C3orf49: variants seen among roughly 807,000 people sequenced by gnomAD.
C3orf49 encodes chromosome 3 open reading frame 49.
A neutral mutation model predicts 13.3 loss-of-function variants in C3orf49; 27 were observed. The observed-to-expected ratio is 2.02, with a 90% CI of 1.49 to 2.79. The LOEUF is 2.79. C3orf49 is among the 30% of genes most tolerant of loss of function. C3orf49 has a pLI of 0.00. For synonymous variants in C3orf49, 87 were observed against 47.6 expected (o/e 1.83, Z -3.40); for missense variants, 242 against 134.2 (o/e 1.80, Z -3.97).
intron 2 of C3orf49, among the ~76,000 whole-genome samples, chr3:63,826,171 T>C (rs77672238): frequency 2.0e-5 from 3 of 152,184 alleles, no homozygotes; most frequent in Non-Finnish European, 4.4e-5. Context: ...TTAACTTTCT[T>C]CTAAGGGTGA....
At chr3:63,847,594 G>T (rs576544255) in intron 6 of C3orf49, among the ~76,000 whole-genome samples, 14 of 152,238 alleles carry the variant, frequency 9.2e-5, no homozygotes, top group Non-Finnish European at 1.8e-4. Context: ...AAAATTAGCC[G>T]GGTGTGGGGT....
the C3orf49 span, among the ~76,000 whole-genome samples, chr3:63,810,121 G>C: frequency 6.6e-6 from 1 of 151,912 alleles, no homozygotes; most frequent in Non-Finnish European, 1.5e-5. Flanking sequence ...AATCCAACCT[G>C]GGCGACAGAG....
intron 5 of C3orf49, chr3:63,838,482 C>T (rs775727626): frequency 1.2e-6 from 2 of 1,606,538 alleles, no homozygotes; most frequent in South Asian, 1.1e-5. Flanking sequence ...GCTCAGCATA[C>T]GTTGGTACTG....
chr3:63,842,295 C>T (rs1320092178), intron 5 of C3orf49, among the ~76,000 whole-genome samples: 1 of 152,028 alleles, frequency 6.6e-6, no homozygotes, highest in African/African-American at 2.4e-5. Flanking sequence ...AGGCTATTAT[C>T]AAAAAGACAA....
the C3orf49 span, among the ~76,000 whole-genome samples, chr3:63,795,604 TC>T: frequency 6.6e-6 from 1 of 152,114 alleles, no homozygotes; most frequent in Non-Finnish European, 1.5e-5. Flanking sequence ...ATCGTCCTCT[TC>T]CTTCTAACCG....
the C3orf49 span, among the ~76,000 whole-genome samples, chr3:63,788,619 G>A: frequency 6.6e-6 from 1 of 151,944 alleles, no homozygotes; most frequent in African/African-American, 2.4e-5. Flanking sequence ...CCAACAGAGA[G>A]GGGTAAACCA....
the C3orf49 span, among the ~76,000 whole-genome samples, chr3:63,788,757 A>G: frequency 6.6e-6 from 1 of 152,068 alleles, no homozygotes; most frequent in Admixed American, 6.5e-5. Context: ...AAACTGAGGT[A>G]CAGAAAGGTT....
the C3orf49 span, among the ~76,000 whole-genome samples, chr3:63,788,107 T>C: frequency 6.6e-6 from 1 of 152,208 alleles, no homozygotes; most frequent in East Asian, 1.9e-4. Flanking sequence ...TCTTCTGGGT[T>C]CTTAGCATCA....
At chr3:63,800,224 G>C in the C3orf49 span, among the ~76,000 whole-genome samples, 1 of 152,074 alleles carries the variant, frequency 6.6e-6, no homozygotes, top group Non-Finnish European at 1.5e-5. Flanking sequence ...CTGTCCCAAA[G>C]CATAAATTAC....
upstream of C3orf49, among the ~76,000 whole-genome samples, chr3:63,816,773 T>C (rs1215163308): frequency 7.3e-5 from 10 of 136,236 alleles, no homozygotes; most frequent in African/African-American, 2.2e-4. Flanking sequence ...TCTTTTCTTT[T>C]TTTTTTTTTT....
the C3orf49 span, among the ~76,000 whole-genome samples, chr3:63,780,271 G>C: frequency 6.6e-6 from 1 of 152,130 alleles, no homozygotes; most frequent in African/African-American, 2.4e-5. Flanking sequence ...ATAGTTTGCT[G>C]AGAATGATGG....
the C3orf49 span, among the ~76,000 whole-genome samples, chr3:63,790,992 A>G: frequency 6.6e-6 from 1 of 152,194 alleles, no homozygotes; most frequent in African/African-American, 2.4e-5. Context: ...TCCCCACACA[A>G]GGAAAAGAGA....
chr3:63,817,269 A>T (rs2107087850), upstream of C3orf49, among the ~76,000 whole-genome samples: 1 of 152,176 alleles, frequency 6.6e-6, no homozygotes, highest in East Asian at 1.9e-4. Context: ...CAGTCACTCT[A>T]TCCCATCATC....
At chr3:63,838,653 TTC>T (rs1304922695) in intron 5 of C3orf49, among the ~76,000 whole-genome samples, 1 of 152,254 alleles carries the variant, frequency 6.6e-6, no homozygotes, top group Non-Finnish European at 1.5e-5. Flanking sequence ...CCCTTAAGTT[TTC>T]TTTTTATCAA....
At chr3:63,788,505 G>A in the C3orf49 span, among the ~76,000 whole-genome samples, 1 of 152,066 alleles carries the variant, frequency 6.6e-6, no homozygotes, top group South Asian at 2.1e-4. Flanking sequence ...AGGAAGATGA[G>A]GAAGGATAAG....
the C3orf49 span, among the ~76,000 whole-genome samples, chr3:63,803,411 GC>G: frequency 6.6e-6 from 1 of 152,110 alleles, no homozygotes; most frequent in Admixed American, 6.5e-5. Context: ...TCCTCCTTTT[GC>G]CCAGAGAAGA....
At position 63,837,919 on chromosome 3, in the gene C3orf49, A is replaced by G. The variant is rs1701668053; in HGVS notation, c.849+6075A>G. On this transcript the variant is annotated intron_variant, in intron 5 of 6. Coordinates refer to ENST00000295896, the MANE Select transcript of C3orf49 (RefSeq NM_001355236.2). Reference sequence around the variant, plus strand: ...TTTACCTCACAACATTAAAAACTGCATGAAAACTGTAGTCAGTAATAATGT... The same window carrying G: ...TTTACCTCACAACATTAAAAACTGCGTGAAAACTGTAGTCAGTAATAATGT... 2.0e-6 allele frequency: 3 copies of G among 1,493,386 alleles called. No individual in the cohort carries two copies. In the African/African-American group the frequency reaches 4.3e-5, roughly 21 times the overall value. The allele number at this position is 1,493,386 out of a possible 1,614,324, so 92.5% of individuals were successfully genotyped here.
At chr3:63,825,118 C>G (rs964748483) in intron 2 of C3orf49, among the ~76,000 whole-genome samples, 1 of 152,142 alleles carries the variant, frequency 6.6e-6, no homozygotes, top group African/African-American at 2.4e-5. Flanking sequence ...TTATGTCATA[C>G]TCTGTCATAA....
chr3:63,836,612 G>C (rs907767255), intron 5 of C3orf49, among the ~76,000 whole-genome samples: 1 of 151,878 alleles, frequency 6.6e-6, no homozygotes, highest in African/African-American at 2.4e-5. Context: ...GAACGTAAGA[G>C]GTCAGCATAA....
Sources: allele counts gnomAD v4.1 joint callset (sites outside exome capture counted in the v4.1 genomes callset), GRCh38; gene constraint gnomAD v4.1.1; transcripts MANE v1.5; gene names NCBI Gene and HGNC (gene_info 2026-07-23, HGNC 2026-07-21).